Variants in COL24A1 observed in about 807,000 individuals in gnomAD.
The protein encoded by COL24A1 is collagen type XXIV alpha 1 chain.
COL24A1 carries 224 observed loss-of-function variants against 253.9 expected under a neutral mutation model. That is an observed-to-expected ratio of 0.88 (90% confidence interval 0.79 to 0.99). The LOEUF (loss-of-function observed/expected upper bound fraction) is 0.99. Among genes scored for constraint, COL24A1 ranks in the 50% least tolerant of loss-of-function variants. The pLI is 0.00. For synonymous variants in COL24A1, 685 were observed against 673.7 expected (o/e 1.02, Z -0.26); for missense variants, 2,131 against 2,068.5 (o/e 1.03, Z -0.59).
intron 24 of COL24A1, among the ~76,000 whole-genome samples, chr1:85,948,325 C>T (rs540511661): frequency 2.4e-3 from 366 of 151,624 alleles, no homozygotes; most frequent in African/African-American, 8.5e-3. Flanking sequence ...GAGATCGAGA[C>T]CATCCTGGCT....
chr1:86,090,013 C>A (rs1427000911), intron 6 of COL24A1, among the ~76,000 whole-genome samples: 3 of 152,158 alleles, frequency 2.0e-5, no homozygotes, highest in Non-Finnish European at 4.4e-5. Flanking sequence ...GAGGCACTTC[C>A]GCTTCTGGAG....
intron 19 of COL24A1, among the ~76,000 whole-genome samples, chr1:86,002,563 G>A (rs546238526): frequency 2.0e-5 from 3 of 152,090 alleles, no homozygotes; most frequent in African/African-American, 7.2e-5. Context: ...TATGATACAG[G>A]TTCAGTCTGA....
chr1:85,849,476 C>G (rs775819947), intron 37 of COL24A1, 70 bp from the exon 38 acceptor site: 2 of 1,121,428 alleles, frequency 1.8e-6, no homozygotes, highest in Non-Finnish European at 2.7e-6. Context: ...TTGAATACTT[C>G]TATCAGATAA....
At chr1:85,799,276 C>T (rs1052306273) in intron 47 of COL24A1, among the ~76,000 whole-genome samples, 1 of 112,176 alleles carries the variant, frequency 8.9e-6, no homozygotes, top group Non-Finnish European at 1.9e-5. Flanking sequence ...TTAGGAAAAT[C>T]AGGCAGTTGC....
intron 10 of COL24A1, among the ~76,000 whole-genome samples, chr1:86,050,421 C>T (rs749894175): frequency 6.6e-6 from 1 of 151,918 alleles, no homozygotes; most frequent in African/African-American, 2.4e-5. Context: ...AAATAATTTC[C>T]TTCACTAAAT....
chr1:85,958,278 C>G (rs946930309), intron 24 of COL24A1, among the ~76,000 whole-genome samples: 10 of 151,984 alleles, frequency 6.6e-5, no homozygotes, highest in African/African-American at 2.4e-4. Context: ...TTATATCATT[C>G]TTTATGATTA....
At chr1:85,779,886 A>G (rs1668977817) in intron 52 of COL24A1, among the ~76,000 whole-genome samples, 1 of 152,186 alleles carries the variant, frequency 6.6e-6, no homozygotes, top group Admixed American at 6.5e-5. Context: ...AAAAAATTGA[A>G]TATGGAAAAA....
rs1347071864 is a variant in COL24A1, at chr1:86,112,573, ACCAGGTAAT to A, written c.1584_1592del (p.Leu529_Gly531del). The A allele has an allele frequency of 1.2e-6, 2 of 1,613,164 alleles. No homozygotes were observed. Among genetic ancestry groups the A allele is most frequent in the Non-Finnish European group, 1.7e-6 (2 of 1,179,358 alleles). On this transcript the variant is annotated inframe_deletion, in exon 5 of 60. Coordinates refer to ENST00000370571, the MANE Select transcript of COL24A1 (RefSeq NM_152890.7). ...CTGATTAGTAGTCACTTACCTTTGG[ACCAGGTAAT>A]CCAGGTAAACCAGGATTTCCATGTG...
At chr1:85,970,110 A>T in intron 22 of COL24A1, 117 bp downstream of exon 22, 1 of 925,698 alleles carries the variant, frequency 1.1e-6, no homozygotes. Context: ...TTATGACTTT[A>T]ATTTGTTTTC....
At chr1:85,940,579 A>G (rs1184868740) in intron 24 of COL24A1, among the ~76,000 whole-genome samples, 1 of 152,162 alleles carries the variant, frequency 6.6e-6, no homozygotes, top group Non-Finnish European at 1.5e-5. Flanking sequence ...CTTCATGATT[A>G]TGGAGGTTCC....
At chr1:85,767,111 AT>A (rs1667464218) in intron 53 of COL24A1, among the ~76,000 whole-genome samples, 2 of 151,172 alleles carry the variant, frequency 1.3e-5, no homozygotes, top group African/African-American at 2.4e-5. Flanking sequence ...CTCAATAATA[AT>A]AATAATAATA....
chr1:86,098,854 C>T (rs748940504), intron 5 of COL24A1, among the ~76,000 whole-genome samples: 3 of 152,020 alleles, frequency 2.0e-5, no homozygotes, highest in East Asian at 3.9e-4. Flanking sequence ...ATCTCTTCAA[C>T]GTATCATCCA....
At chr1:85,799,211 A>AAAAAAAAGAAAGAAAG (rs753701297) in intron 47 of COL24A1, among the ~76,000 whole-genome samples, 1,559 of 137,626 alleles carry the variant, frequency 0.011, 48 homozygotes, top group South Asian at 0.034. Flanking sequence ...TTGGCCACAT[A>AAAAAAAAGAAAGAAAG]AAAGAAAGAA....
At chr1:86,107,508 AATTTATTTATTTATTTATTTATTT>A (rs57193756) in intron 5 of COL24A1, among the ~76,000 whole-genome samples, 2 of 145,144 alleles carry the variant, frequency 1.4e-5, no homozygotes, top group African/African-American at 5.1e-5. Context: ...ACACAATGGT[AATTTATTTATTTATTTATTTATTT>A]ATTTATTTAT....
chr1:85,911,837 A>G (rs906135479), intron 24 of COL24A1, among the ~76,000 whole-genome samples: 1 of 152,086 alleles, frequency 6.6e-6, no homozygotes, highest in Non-Finnish European at 1.5e-5. Flanking sequence ...AGCGGACAGA[A>G]CATGCCTATC....
At chr1:85,977,096 G>A (rs1437805694) in intron 20 of COL24A1, among the ~76,000 whole-genome samples, 1 of 152,156 alleles carries the variant, frequency 6.6e-6, no homozygotes, top group East Asian at 1.9e-4. Flanking sequence ...TAGCCCTGCT[G>A]GGTGGCCAGA....
At chr1:86,043,255 T>C (rs749272093) in intron 12 of COL24A1, among the ~76,000 whole-genome samples, 2 of 152,100 alleles carry the variant, frequency 1.3e-5, no homozygotes, top group Non-Finnish European at 2.9e-5. Context: ...TATATCGCTC[T>C]ACCTAAAATG....
At chr1:85,734,175 T>G (rs556290622) in intron 59 of COL24A1, among the ~76,000 whole-genome samples, 1 of 152,278 alleles carries the variant, frequency 6.6e-6, no homozygotes, top group Admixed American at 6.5e-5. Flanking sequence ...AGTGCTGGGA[T>G]TACAGGCATG....
chr1:85,907,286 A>G (rs751147427), intron 27 of COL24A1, 39 bp from the exon 28 acceptor site: 3 of 1,500,636 alleles, frequency 2.0e-6, no homozygotes, highest in East Asian at 2.3e-5. Context: ...TAGAATTTAC[A>G]AGAATACTAT....
Sources: gnomAD v4.1 joint callset for allele counts (sites outside exome capture counted in the v4.1 genomes callset) on GRCh38, gnomAD v4.1.1 for gene constraint, MANE v1.5 for transcripts, NCBI Gene and HGNC (gene_info 2026-07-23, HGNC 2026-07-21) for gene names.